The following DCC variants were observed in gnomAD, a reference collection of about 807,000 sequenced individuals.
The protein encoded by DCC is netrin receptor DCC.
Under a neutral mutation model 172.5 loss-of-function variants are expected in DCC, and 58 were observed. That is an observed-to-expected ratio of 0.34 (90% CI 0.27 to 0.42). The LOEUF (loss-of-function observed/expected upper bound fraction) is 0.42. Among genes scored for constraint, DCC ranks in the 10% least tolerant of loss-of-function variants. The probability of loss-of-function intolerance (pLI) is 1.00; values close to 1 mark genes in which losing one functional copy is unlikely to be tolerated. For synonymous variants in DCC, 709 were observed against 644.5 expected, an observed-to-expected ratio of 1.10 and a Z score of -1.52; for missense variants, 1,740 against 1,791.0, an observed-to-expected ratio of 0.97 and a Z score of 0.51.
chr18:52,345,374 T>A (rs552478485), intron 1 of DCC, among the ~76,000 whole-genome samples: 16 of 152,314 alleles, frequency 1.1e-4, no homozygotes, highest in African/African-American at 2.9e-4. Flanking sequence ...AAACGTCAAG[T>A]CTTCTTCCCC....
intron 1 of DCC, among the ~76,000 whole-genome samples, chr18:52,404,908 C>A (rs999154120): frequency 6.7e-6 from 1 of 149,164 alleles, no homozygotes; most frequent in Non-Finnish European, 1.5e-5. Flanking sequence ...TGAGAATATG[C>A]GGTGTTTGGT....
chr18:52,451,430 G>T (rs1430891598), intron 1 of DCC, among the ~76,000 whole-genome samples: 1 of 152,122 alleles, frequency 6.6e-6, no homozygotes, highest in Admixed American at 6.5e-5. Flanking sequence ...GGCCGTTTGG[G>T]AAAGAGATAA....
In DCC at chr18:53,099,939, C is replaced by CTTTTTTTTTTTTTTTTT. The variant is rs200213348; in HGVS notation, c.1261+33776_1261+33777insTTTTTTTTTTTTTTTTT. Among the ~76,000 whole-genome samples the CTTTTTTTTTTTTTTTTT allele has an allele frequency of 8.8e-4, 77 of 87,162 alleles. 5 individuals carry two copies. Among genetic ancestry groups the CTTTTTTTTTTTTTTTTT allele is most frequent in the African/African-American group, 1.6e-3 (31 of 18,848 alleles). 57.2% of individuals were successfully genotyped at this position (87,162 alleles called of 152,430 possible). On this transcript the variant is annotated intron_variant, in intron 7 of 28. Transcript: ENST00000442544. ...AAGAGACTTTTCTTTTCTTTTCTTT[C>CTTTTTTTTTTTTTTTTT]TTTCTTTTTTTTTTTTTTTTTGTTT...
intron 15 of DCC, among the ~76,000 whole-genome samples, chr18:53,361,818 G>T (rs149966789): frequency 5.6e-5 from 7 of 124,318 alleles, no homozygotes; most frequent in East Asian, 2.0e-4. Context: ...TTACAGCAAA[G>T]AAATTATGTA....
At chr18:53,225,057 G>C (rs574473552) in intron 12 of DCC, among the ~76,000 whole-genome samples, 1 of 152,110 alleles carries the variant, frequency 6.6e-6, no homozygotes, top group East Asian at 1.9e-4. Flanking sequence ...AAGAGGAAGG[G>C]TGATTTCACA....
chr18:52,664,475 TC>T lies in DCC; in HGVS notation c.92-87578del, dbSNP rs199978359. 5.5e-3 allele frequency among the ~76,000 whole-genome samples: 648 copies of T among 117,142 alleles called. 32 individuals carry two copies. The highest frequency in any genetic ancestry group is 0.014 in the African/African-American group (462 of 32,584). 76.8% of individuals were successfully genotyped at this position (117,142 alleles called of 152,430 possible). A position where few individuals can be genotyped will look rare whatever the true frequency, so the allele number is the denominator to read the frequency against. ...ATCTTTTTTCTTTTCTTTTTCTTTT[TC>T]TTTTTTTTTTTTTTTTGAGACCGAG... is the stretch of plus-strand genomic sequence containing the variant. On this transcript the variant is annotated intron_variant, in intron 1 of 28. Transcript: ENST00000442544.
Position 53,331,570 on chromosome 18 carries a change from A to T in DCC, c.2165-8143A>T, listed in dbSNP as rs1457737160. Among the ~76,000 whole-genome samples the T allele has an allele frequency of 2.6e-5, 4 of 152,188 alleles. No individual in the cohort carries two copies. The East Asian group carries it at 7.7e-4, about 29-fold the overall frequency. The stretch of plus-strand genomic sequence containing the variant: ...AAGCCACATCAAGAGTATTTGCTCT[A>T]ACAGTCAGGATTAGGTTATCTCAGT... On this transcript the variant is annotated intron_variant, in intron 14 of 28. Coordinates refer to ENST00000442544, the MANE Select transcript of DCC (RefSeq NM_005215.4).
intron 25 of DCC, among the ~76,000 whole-genome samples, chr18:53,468,497 C>G (rs1225937714): frequency 2.6e-5 from 4 of 151,886 alleles, no homozygotes; most frequent in Non-Finnish European, 5.9e-5. Context: ...ATTCTCATGC[C>G]TCAGTCTTCC....
intron 15 of DCC, among the ~76,000 whole-genome samples, chr18:53,346,219 C>G (rs1260394331): frequency 6.6e-6 from 1 of 151,958 alleles, no homozygotes; most frequent in Admixed American, 6.6e-5. Context: ...GCTTTTAAGA[C>G]TTCTTTAAAA....
chr18:52,848,082 A>ATTT (rs11291428), intron 2 of DCC, among the ~76,000 whole-genome samples: 23 of 127,350 alleles, frequency 1.8e-4, no homozygotes, highest in Non-Finnish European at 2.6e-4. Flanking sequence ...GACTTTTCTA[A>ATTT]TTTTTTTTTT....
chr18:52,879,621 G>A (rs1009687682), intron 2 of DCC, among the ~76,000 whole-genome samples: 6 of 151,628 alleles, frequency 4.0e-5, no homozygotes, highest in Non-Finnish European at 5.9e-5. Flanking sequence ...TAGTAGAGAC[G>A]GGATTTCACC....
intron 7 of DCC, among the ~76,000 whole-genome samples, chr18:53,143,678 T>C (rs943294309): frequency 6.6e-6 from 1 of 152,252 alleles, no homozygotes; most frequent in Non-Finnish European, 1.5e-5. Flanking sequence ...TCTTCATGCT[T>C]ATTGCAGAGT....
chr18:52,935,192 TAGC>T (rs5824980), intron 5 of DCC, among the ~76,000 whole-genome samples: 59,382 of 151,636 alleles, frequency 0.39, 12,188 homozygotes, highest in Non-Finnish European at 0.47. Flanking sequence ...CCATTTACAA[TAGC>T]AGTGGATCAA....
intron 1 of DCC, among the ~76,000 whole-genome samples, chr18:52,365,641 A>G (rs1224650341): frequency 6.6e-6 from 1 of 152,180 alleles, no homozygotes; most frequent in Non-Finnish European, 1.5e-5. Flanking sequence ...GGTTGCAACT[A>G]AGTCCTCCTT....
intron 20 of DCC, 48 bp from the exon 21 acceptor site, chr18:53,416,076 G>A: frequency 6.9e-7 from 1 of 1,448,954 alleles, no homozygotes; most frequent in Non-Finnish European, 9.7e-7. Flanking sequence ...CAGCTTTCTT[G>A]CTAGGAACTG....
intron 2 of DCC, among the ~76,000 whole-genome samples, chr18:52,792,274 C>T (rs1436929566): frequency 3.9e-5 from 6 of 152,158 alleles, no homozygotes; most frequent in Admixed American, 3.9e-4. Context: ...CTACAACATT[C>T]CCAGATCTTT....
chr18:53,479,704 AGAT>A (rs773969760), intron 25 of DCC, among the ~76,000 whole-genome samples: 13 of 152,222 alleles, frequency 8.5e-5, no homozygotes, highest in Non-Finnish European at 1.8e-4. Flanking sequence ...TAAATATTTT[AGAT>A]GATGGAGTAT....
intron 24 of DCC, among the ~76,000 whole-genome samples, chr18:53,465,032 G>A (rs1032679071): frequency 4.6e-5 from 7 of 151,380 alleles, no homozygotes; most frequent in South Asian, 2.1e-4. Context: ...AAAACTGGTT[G>A]GATCTAGAGT....
At chr18:52,354,029 G>A (rs1984249216) in intron 1 of DCC, among the ~76,000 whole-genome samples, 1 of 152,180 alleles carries the variant, frequency 6.6e-6, no homozygotes, top group African/African-American at 2.4e-5. Context: ...AGAATTAAGG[G>A]AAGAGAGAGA....
Sources: allele counts gnomAD v4.1 joint callset (sites outside exome capture counted in the v4.1 genomes callset), GRCh38; gene constraint gnomAD v4.1.1; transcripts MANE v1.5; gene names NCBI Gene and HGNC (gene_info 2026-07-23, HGNC 2026-07-21).